The following NELL1 variants were observed in gnomAD, a reference collection of about 807,000 sequenced individuals.
NELL1 encodes the protein neural EGFL like 1, also known as protein kinase C-binding protein NELL1.
In NELL1, 76 loss-of-function variants were observed where a neutral mutation model predicts 107.4. The observed-to-expected ratio is 0.71, with a 90% CI of 0.59 to 0.86. The LOEUF (loss-of-function observed/expected upper bound fraction) is 0.86. Ranked by LOEUF, NELL1 falls within the 40% of genes least tolerant of loss-of-function variation. The probability of loss-of-function intolerance (pLI) is 0.00; values close to 1 mark genes in which losing one functional copy is unlikely to be tolerated. For missense variants in NELL1, 1,024 were observed against 1,005.5 expected (o/e 1.02, Z -0.25); for synonymous variants, 353 against 341.2 (o/e 1.03, Z -0.38).
chr11:20,849,491 C>G (rs973624750), intron 4 of NELL1, among the ~76,000 whole-genome samples: 2 of 152,210 alleles, frequency 1.3e-5, no homozygotes, highest in African/African-American at 2.4e-5. Flanking sequence ...CATGACCTCT[C>G]TACCAGGAGA....
At chr11:20,758,796 G>A (rs1856354594) in intron 2 of NELL1, among the ~76,000 whole-genome samples, 3 of 152,200 alleles carry the variant, frequency 2.0e-5, no homozygotes, top group Admixed American at 1.3e-4. Flanking sequence ...AATGATAAAT[G>A]TCTCAAGACA....
intron 18 of NELL1, 100 bp downstream of exon 18, chr11:21,571,040 T>C (rs1441942931): frequency 1.0e-5 from 11 of 1,081,052 alleles, no homozygotes; most frequent in East Asian, 2.4e-5. Context: ...CATAATACTA[T>C]ACAGGGAGCT....
intron 12 of NELL1, among the ~76,000 whole-genome samples, chr11:20,999,257 T>C (rs983853583): frequency 1.3e-5 from 2 of 152,218 alleles, no homozygotes. Flanking sequence ...GTTTGCCACA[T>C]TGCCCATCAT....
In NELL1 at chr11:21,264,764, T is replaced by TGC. The variant is rs745805182; in HGVS notation, c.1549+35312_1549+35313dup. ...AACAGTTGTGGAGTGTGTGTGTGTG[T>TGC]GCGTGCGTGTGTTGAACTAAAACAG... is the stretch of plus-strand genomic sequence containing the variant. On this transcript the variant is annotated intron_variant, in intron 14 of 19. Transcript: ENST00000357134. Among the ~76,000 whole-genome samples, 85 of 151,972 alleles carry TGC rather than the reference T, an allele frequency of 5.6e-4. 2 individuals carry two copies. In the Middle Eastern group the frequency reaches 0.014, roughly 24 times the overall value.
At chr11:21,482,357 T>G (rs1261957850) in intron 15 of NELL1, among the ~76,000 whole-genome samples, 1 of 152,118 alleles carries the variant, frequency 6.6e-6, no homozygotes, top group Non-Finnish European at 1.5e-5. Flanking sequence ...TGCCCTACAC[T>G]CTAGGGGCCA....
At chr11:20,893,383 T>A (rs1009337539) in intron 5 of NELL1, among the ~76,000 whole-genome samples, 1 of 145,268 alleles carries the variant, frequency 6.9e-6, no homozygotes, top group Admixed American at 6.9e-5. Flanking sequence ...TTTTTTTTAA[T>A]AAATAAAAAA....
chr11:21,291,428 TA>T (rs1849259791), intron 14 of NELL1, among the ~76,000 whole-genome samples: 1 of 50,022 alleles, frequency 2.0e-5, no homozygotes, highest in Non-Finnish European at 4.2e-5. Flanking sequence ...AGATGATAAT[TA>T]ATAGACTACC....
intron 2 of NELL1, among the ~76,000 whole-genome samples, chr11:20,690,482 G>A (rs1854433957): frequency 6.6e-6 from 1 of 151,494 alleles, no homozygotes; most frequent in South Asian, 2.1e-4. Flanking sequence ...AAGGGATCCA[G>A]TTTCAGCTTT....
chr11:20,917,945 A>G (rs1028257506), intron 5 of NELL1, among the ~76,000 whole-genome samples: 2 of 151,970 alleles, frequency 1.3e-5, no homozygotes, highest in Non-Finnish European at 2.9e-5. Flanking sequence ...GTTATAATCT[A>G]TAATTGGCAT....
At chr11:20,831,546 G>T (rs1027993491) in intron 3 of NELL1, among the ~76,000 whole-genome samples, 3 of 152,172 alleles carry the variant, frequency 2.0e-5, no homozygotes, top group African/African-American at 7.2e-5. Flanking sequence ...CACAGGATAA[G>T]TTGATTAATT....
At chr11:21,288,283 A>G (rs575535782) in intron 14 of NELL1, among the ~76,000 whole-genome samples, 1 of 152,314 alleles carries the variant, frequency 6.6e-6, no homozygotes, top group South Asian at 2.1e-4. Flanking sequence ...TCTAAAGAAG[A>G]CTAAAGCCCT....
intron 12 of NELL1, among the ~76,000 whole-genome samples, chr11:21,108,620 T>A (rs1855026780): frequency 6.6e-6 from 1 of 152,142 alleles, no homozygotes; most frequent in Admixed American, 6.6e-5. Flanking sequence ...ATAAAAACCT[T>A]AGGACTCTTT....
intron 12 of NELL1, among the ~76,000 whole-genome samples, chr11:21,051,576 T>A (rs921204137): frequency 7.2e-5 from 11 of 152,198 alleles, no homozygotes; most frequent in African/African-American, 2.4e-4. Context: ...ATAATAATAA[T>A]AAAAGAAATC....
chr11:20,858,940 T>C (rs192235671), intron 4 of NELL1, among the ~76,000 whole-genome samples: 22 of 152,322 alleles, frequency 1.4e-4, no homozygotes, highest in Admixed American at 1.3e-3. Context: ...AGGTGTACCA[T>C]TGCCCAGGGC....
At chr11:21,389,007 T>C (rs960955342) in intron 15 of NELL1, among the ~76,000 whole-genome samples, 1 of 151,846 alleles carries the variant, frequency 6.6e-6, no homozygotes, top group African/African-American at 2.4e-5. Context: ...ACAGGAACAC[T>C]ACACTCGTAT....
At chr11:20,727,473 G>A (rs980838443) in intron 2 of NELL1, among the ~76,000 whole-genome samples, 25 of 152,240 alleles carry the variant, frequency 1.6e-4, no homozygotes, top group South Asian at 6.2e-4. Flanking sequence ...ATTTGTTGGC[G>A]TTCATTGTAG....
intron 14 of NELL1, among the ~76,000 whole-genome samples, chr11:21,265,355 G>T (rs1272751938): frequency 6.6e-6 from 1 of 151,922 alleles, no homozygotes; most frequent in Non-Finnish European, 1.5e-5. Context: ...CTCAAACAAG[G>T]GCTACAGTGG....
chr11:21,233,634 T>C (rs1858122409), intron 14 of NELL1, among the ~76,000 whole-genome samples: 1 of 152,234 alleles, frequency 6.6e-6, no homozygotes, highest in South Asian at 2.1e-4. Flanking sequence ...GTTTGGCATT[T>C]GAGTTTAAAT....
intron 15 of NELL1, among the ~76,000 whole-genome samples, chr11:21,393,066 G>A (rs190084210): frequency 1.5e-3 from 220 of 151,336 alleles, no homozygotes; most frequent in Middle Eastern, 0.01. Context: ...TGATTTGGAC[G>A]TGAGCTTTCA....
Sources: gnomAD v4.1 joint callset for allele counts (sites outside exome capture counted in the v4.1 genomes callset) on GRCh38, gnomAD v4.1.1 for gene constraint, MANE v1.5 for transcripts, NCBI Gene and HGNC (gene_info 2026-07-23, HGNC 2026-07-21) for gene names.